SPTB: variants seen among roughly 807,000 people sequenced by gnomAD.
The protein encoded by SPTB is spectrin beta chain, erythrocytic.
A neutral mutation model predicts 256.2 loss-of-function variants in SPTB; 45 were observed. That is an observed-to-expected ratio of 0.18 (90% CI 0.14 to 0.23). The LOEUF is 0.23. SPTB is among the 10% of genes least tolerant of loss of function. SPTB has a pLI of 1.00. For missense variants in SPTB, 2,715 were observed against 3,040.4 expected, an observed-to-expected ratio of 0.89 and a Z score of 2.52; for synonymous variants, 1,231 against 1,243.1, an observed-to-expected ratio of 0.99 and a Z score of 0.21.
chr14:64,842,262 C>T (rs1020186014), intron 1 of SPTB, among the ~76,000 whole-genome samples: 1 of 152,212 alleles, frequency 6.6e-6, no homozygotes, highest in Non-Finnish European at 1.5e-5. Context: ...CGCCACATCT[C>T]GTTTCCTAGT....
intron 24 of SPTB, 58 bp from the exon 25 acceptor site, chr14:64,773,482 G>A: frequency 6.3e-7 from 1 of 1,579,980 alleles, no homozygotes; most frequent in Non-Finnish European, 8.6e-7. Flanking sequence ...CAGAGCCGTG[G>A]CTCCAGGGAG....
intron 15 of SPTB, among the ~76,000 whole-genome samples, chr14:64,787,861 C>G (rs1370485654): frequency 6.6e-6 from 1 of 152,242 alleles, no homozygotes; most frequent in Non-Finnish European, 1.5e-5. Flanking sequence ...AGCTGCCCAT[C>G]AGCCAGGCCA....
intron 1 of SPTB, among the ~76,000 whole-genome samples, chr14:64,859,539 GT>G: frequency 6.6e-6 from 1 of 152,284 alleles, no homozygotes; most frequent in Non-Finnish European, 1.5e-5. Flanking sequence ...GAGCTGAGGA[GT>G]TTGAGACCAG....
intron 1 of SPTB, among the ~76,000 whole-genome samples, chr14:64,878,709 A>G (rs965326586): frequency 3.3e-5 from 5 of 151,944 alleles, no homozygotes. Context: ...ACTGCCTCCT[A>G]CCTGGAGGTG....
rs994552505 is a variant in SPTB at position 64,802,380 on chromosome 14, C to T, written c.475-63G>A. ...TGCATCTGGATCTGTGCTTTCCTGC[C>T]GTCCCTGGGAGGCTCCCTCCCTCAT... On this transcript the variant is annotated intron_variant, in intron 4 of 35. Coordinates refer to ENST00000644917, the MANE Select transcript of SPTB (RefSeq NM_001355436.2). The surrounding 1 kb of genome is among the most constrained non-coding windows in gnomAD (Gnocchi z 5.1). 2.1e-5 allele frequency: 32 copies of T among 1,526,446 alleles called. No homozygotes were observed. The highest frequency in any genetic ancestry group is 9.2e-5 in the East Asian group (4 of 43,440). 94.6% of individuals were successfully genotyped at this position (1,526,446 alleles called of 1,614,324 possible).
Position 64,794,453 on chromosome 14 carries a change from A to G in SPTB, c.1795+14T>C. ...CATTGGAAGCCTCAAAAGGGGAGAC[A>G]GACTTGGTCTCACCTTTCCCCTCGG... On this transcript the variant is annotated intron_variant, in intron 13 of 35. Coordinates refer to ENST00000644917, the MANE Select transcript of SPTB (RefSeq NM_001355436.2). The G allele has an allele frequency of 1.2e-6, 2 of 1,614,190 alleles. No homozygotes were observed. The highest frequency in any genetic ancestry group is 4.5e-5 in the East Asian group (2 of 44,882).
chr14:64,868,951 G>A (rs941556543), intron 1 of SPTB, among the ~76,000 whole-genome samples: 3 of 151,698 alleles, frequency 2.0e-5, no homozygotes, highest in African/African-American at 7.3e-5. Context: ...TTTAGTCATT[G>A]CAAATATAAA....
intron 1 of SPTB, among the ~76,000 whole-genome samples, chr14:64,864,462 T>C (rs1005444964): frequency 1.3e-5 from 2 of 151,930 alleles, no homozygotes; most frequent in African/African-American, 4.8e-5. Context: ...AACAGAAAAA[T>C]GAAAGAGGTA....
chr14:64,768,993 G>A (rs766330917), intron 29 of SPTB, 41 bp downstream of exon 29: 15 of 1,532,254 alleles, frequency 9.8e-6, no homozygotes, highest in Admixed American at 1.7e-5. Flanking sequence ...TCCTGCGGGG[G>A]TACTCCTGCC....
chr14:64,796,652 G>T lies in SPTB; in HGVS notation c.1246C>A (p.Arg416=). The stretch of plus-strand genomic sequence containing the variant: ...GCCAGTTGCTCTAGCTTCTCCTGCC[G>T]AATGAGCTCATTTCTCAGGGCCAGC... ...RELALRNELI[R]QEKLEQLARR... is the part of the protein sequence containing the mutation. The change falls in exon 11 of 36, where the codon CGG becomes AGG. Residue 416 remains arginine, a synonymous_variant. Transcript: ENST00000644917. The surrounding 1 kb of genome is among the most constrained non-coding windows in gnomAD (Gnocchi z 4.1). The T allele has an allele frequency of 6.2e-7, 1 of 1,614,174 alleles. No homozygotes were observed. The highest frequency in any genetic ancestry group is 8.5e-7 in the Non-Finnish European group (1 of 1,180,034).
intron 1 of SPTB, among the ~76,000 whole-genome samples, chr14:64,848,339 T>C (rs1440891899): frequency 2.0e-5 from 3 of 152,208 alleles, no homozygotes; most frequent in Non-Finnish European, 4.4e-5. Flanking sequence ...TAACACCCAC[T>C]CCAAATTCTC....
intron 6 of SPTB, 150 bp from the exon 7 acceptor site, chr14:64,801,550 A>G: frequency 1.2e-6 from 1 of 808,798 alleles, no homozygotes; most frequent in Non-Finnish European, 2.1e-6. Context: ...GAGAGGGGGC[A>G]GGTGTGAGCC....
Position 64,802,725 on chromosome 14 carries a change from C to G in SPTB, c.475-408G>C, listed in dbSNP as rs189069492. Among the ~76,000 whole-genome samples the G allele has an allele frequency of 5.2e-3, 794 of 152,292 alleles. 10 individuals carry two copies. The highest frequency in any genetic ancestry group is 0.01 in the Middle Eastern group (3 of 294). On this transcript the variant is annotated intron_variant, in intron 4 of 35. Transcript: ENST00000644917. The surrounding 1 kb of genome is among the most constrained non-coding windows in gnomAD (Gnocchi z 5.1). ...TTGCCCTCAAGGAGTAGCCGCCAGC[C>G]CCGCAGCAACACCACATCCTGAGGC... is the stretch of plus-strand genomic sequence containing the variant.
intron 1 of SPTB, among the ~76,000 whole-genome samples, chr14:64,859,694 G>C (rs200441596): frequency 1.9e-5 from 1 of 52,952 alleles, no homozygotes; most frequent in East Asian, 2.5e-4. Context: ...CTCTCTCTCT[G>C]TCTCTCTCTC....
In SPTB at chr14:64,749,497, G is replaced by T; in HGVS notation, c.6820-24C>A. 1 of 1,598,088 alleles carries T rather than the reference G, an allele frequency of 6.3e-7. No individual in the cohort carries two copies. Among genetic ancestry groups the T allele is most frequent in the Non-Finnish European group, 8.5e-7 (1 of 1,177,716 alleles). On this transcript the variant is annotated intron_variant, in intron 35 of 35. Coordinates refer to ENST00000644917, the MANE Select transcript of SPTB (RefSeq NM_001355436.2). The surrounding 1 kb of genome is among the most constrained non-coding windows in gnomAD (Gnocchi z 4.7). The stretch of plus-strand genomic sequence containing the variant: ...TCCTGCGGGGCGGAGGGTCACGGTG[G>T]AGTCTGGAGGCCCACAGCCCCCCAC...
chr14:64,820,028 A>C (rs889294732), intron 2 of SPTB, among the ~76,000 whole-genome samples: 1 of 152,146 alleles, frequency 6.6e-6, no homozygotes, highest in Non-Finnish European at 1.5e-5. Context: ...GGATCTTGTG[A>C]CATGTTCCTC....
intron 32 of SPTB, among the ~76,000 whole-genome samples, chr14:64,762,528 C>T (rs1169310166): frequency 6.6e-6 from 1 of 152,220 alleles, no homozygotes; most frequent in East Asian, 1.9e-4. Context: ...GCCTGCTCAG[C>T]GCCTCACGTT....
intron 2 of SPTB, among the ~76,000 whole-genome samples, chr14:64,818,946 T>A (rs1455062035): frequency 6.6e-6 from 1 of 152,156 alleles, no homozygotes; most frequent in Non-Finnish European, 1.5e-5. Flanking sequence ...TGGTCTCCAG[T>A]CCAGGAAGAA....
At chr14:64,849,748 T>A (rs908162722) in intron 1 of SPTB, among the ~76,000 whole-genome samples, 1 of 152,222 alleles carries the variant, frequency 6.6e-6, no homozygotes, top group African/African-American at 2.4e-5. Context: ...AAGTCACCTT[T>A]GTTGTCACTA....
Sources: allele counts gnomAD v4.1 joint callset (sites outside exome capture counted in the v4.1 genomes callset), GRCh38; gene constraint gnomAD v4.1.1; non-coding constraint Gnocchi (gnomAD v3.1); transcripts MANE v1.5; gene names NCBI Gene and HGNC (gene_info 2026-07-23, HGNC 2026-07-21).